SUCLG2: variants seen among roughly 807,000 people sequenced by gnomAD.
The protein encoded by SUCLG2 is succinate--CoA ligase [GDP-forming] subunit beta, mitochondrial.
SUCLG2 carries 42 observed loss-of-function variants against 47.9 expected under a neutral mutation model. The observed-to-expected ratio is 0.88, with a 90% CI of 0.69 to 1.14. The LOEUF is 1.14. SUCLG2 is among the 50% of genes most tolerant of loss of function. SUCLG2 has a pLI of 0.00. For synonymous variants in SUCLG2, 195 were observed against 197.3 expected, an observed-to-expected ratio of 0.99 and a Z score of 0.10; for missense variants, 571 against 525.9, an observed-to-expected ratio of 1.09 and a Z score of -0.84.
intron 10 of SUCLG2, among the ~76,000 whole-genome samples, chr3:67,387,654 A>T (rs1159301126): frequency 1.3e-5 from 2 of 152,224 alleles, no homozygotes; most frequent in Non-Finnish European, 2.9e-5. Context: ...TGATTTTTAT[A>T]ATACGCAGAT....
At chr3:67,644,062 A>C (rs1376536587) in intron 1 of SUCLG2, among the ~76,000 whole-genome samples, 3 of 152,250 alleles carry the variant, frequency 2.0e-5, no homozygotes, top group Admixed American at 6.5e-5. Flanking sequence ...ATCAGGAAAG[A>C]TATTTCTTAA....
chr3:67,406,595 AG>A (rs1432383770), intron 9 of SUCLG2, among the ~76,000 whole-genome samples: 1 of 152,194 alleles, frequency 6.6e-6, no homozygotes, highest in East Asian at 1.9e-4. Context: ...ATACAGGTGG[AG>A]GAACAGAAAA....
intron 9 of SUCLG2, among the ~76,000 whole-genome samples, chr3:67,454,826 G>T (rs781012414): frequency 1.3e-5 from 2 of 152,214 alleles, no homozygotes; most frequent in Middle Eastern, 3.4e-3. Flanking sequence ...GCCGGGCATG[G>T]TAGTGGGCAC....
intron 1 of SUCLG2, among the ~76,000 whole-genome samples, chr3:67,629,074 G>A (rs1334495145): frequency 6.6e-6 from 1 of 152,160 alleles, no homozygotes; most frequent in Non-Finnish European, 1.5e-5. Flanking sequence ...GTACGCTTTG[G>A]TGTAAGAACG....
At chr3:67,627,511 A>G (rs909309146) in intron 1 of SUCLG2, among the ~76,000 whole-genome samples, 1 of 152,230 alleles carries the variant, frequency 6.6e-6, no homozygotes, top group African/African-American at 2.4e-5. Flanking sequence ...GTGACGTGCC[A>G]GTTATGAAGT....
At chr3:67,616,092 T>G (rs1277611393) in intron 1 of SUCLG2, among the ~76,000 whole-genome samples, 1 of 151,998 alleles carries the variant, frequency 6.6e-6, no homozygotes, top group Non-Finnish European at 1.5e-5. Flanking sequence ...AGAGCCCTAT[T>G]TGTTGGCTAC....
intron 9 of SUCLG2, among the ~76,000 whole-genome samples, chr3:67,467,203 A>T (rs1349452476): frequency 4.6e-5 from 7 of 152,216 alleles, no homozygotes; most frequent in Admixed American, 4.6e-4. Flanking sequence ...GATAATATAA[A>T]CACACCTAGA....
At chr3:67,402,472 G>T (rs761876078) in intron 9 of SUCLG2, among the ~76,000 whole-genome samples, 2 of 152,216 alleles carry the variant, frequency 1.3e-5, no homozygotes, top group Non-Finnish European at 2.9e-5. Flanking sequence ...TCCCAGAAAA[G>T]AAATCTCCCA....
chr3:67,576,330 T>C (rs536752276), intron 2 of SUCLG2, among the ~76,000 whole-genome samples: 3 of 152,146 alleles, frequency 2.0e-5, no homozygotes, highest in Non-Finnish European at 2.9e-5. Flanking sequence ...CAGTATGCCA[T>C]GGTAGGATTT....
intron 9 of SUCLG2, among the ~76,000 whole-genome samples, chr3:67,427,150 C>A (rs1299461891): frequency 1.3e-5 from 2 of 152,052 alleles, no homozygotes; most frequent in East Asian, 1.9e-4. Flanking sequence ...CCTAAAATAG[C>A]CAAAGGTATG....
chr3:67,627,918 T>G (rs963451253), intron 1 of SUCLG2, among the ~76,000 whole-genome samples: 1 of 152,216 alleles, frequency 6.6e-6, no homozygotes, highest in Admixed American at 6.5e-5. Context: ...CTTCAACCTC[T>G]TCCTTTTATC....
At chr3:67,652,430 G>C (rs1701303095) in intron 1 of SUCLG2, among the ~76,000 whole-genome samples, 1 of 152,216 alleles carries the variant, frequency 6.6e-6, no homozygotes, top group African/African-American at 2.4e-5. Context: ...GATGAGAGAA[G>C]TGGGCCATGT....
intron 2 of SUCLG2, among the ~76,000 whole-genome samples, chr3:67,607,898 A>G (rs1247187069): frequency 6.6e-6 from 1 of 152,166 alleles, no homozygotes; most frequent in Admixed American, 6.5e-5. Context: ...TATGATTGTG[A>G]GGTCTCCCCA....
intron 2 of SUCLG2, among the ~76,000 whole-genome samples, chr3:67,563,670 T>C (rs1030256663): frequency 6.6e-6 from 1 of 151,988 alleles, no homozygotes; most frequent in African/African-American, 2.4e-5. Context: ...AAAGAAGTAC[T>C]ACTAGTTGGC....
chr3:67,450,291 C>T (rs1304589048), intron 9 of SUCLG2, among the ~76,000 whole-genome samples: 1 of 152,134 alleles, frequency 6.6e-6, no homozygotes, highest in African/African-American at 2.4e-5. Flanking sequence ...ATCCTGTCAC[C>T]TCAGCCTCCT....
chr3:67,597,926 AG>A (rs2107291125), intron 2 of SUCLG2, among the ~76,000 whole-genome samples: 1 of 152,032 alleles, frequency 6.6e-6, no homozygotes, highest in South Asian at 2.1e-4. Flanking sequence ...CAACAGAGTG[AG>A]ACTCCATCTC....
chr3:67,594,689 A>G (rs538491550), intron 2 of SUCLG2, among the ~76,000 whole-genome samples: 2 of 152,332 alleles, frequency 1.3e-5, no homozygotes, highest in Admixed American at 1.3e-4. Flanking sequence ...GTGGATACCA[A>G]TTGAATGGTA....
At chr3:67,502,582 A>G (rs1291182552) in intron 7 of SUCLG2, among the ~76,000 whole-genome samples, 1 of 152,216 alleles carries the variant, frequency 6.6e-6, no homozygotes, top group Non-Finnish European at 1.5e-5. Context: ...GGGTACTAGC[A>G]GGTTGTTAGA....
At chr3:67,497,684 G>A (rs1439226232) in intron 8 of SUCLG2, among the ~76,000 whole-genome samples, 2 of 151,852 alleles carry the variant, frequency 1.3e-5, no homozygotes, top group Non-Finnish European at 2.9e-5. Flanking sequence ...GAGCAGCAAA[G>A]GTTCTAATTT....
Sources: gnomAD v4.1 joint callset for allele counts (sites outside exome capture counted in the v4.1 genomes callset) on GRCh38, gnomAD v4.1.1 for gene constraint, MANE v1.5 for transcripts, NCBI Gene and HGNC (gene_info 2026-07-23, HGNC 2026-07-21) for gene names.